Variants in MND1 observed in about 807,000 individuals in gnomAD.
MND1 encodes the protein meiotic nuclear divisions 1, also known as meiotic nuclear division protein 1 homolog.
Under a neutral mutation model 35.1 loss-of-function variants are expected in MND1, and 28 were observed. That is an observed-to-expected ratio of 0.80 (90% CI 0.59 to 1.09). The LOEUF is 1.09. Ranked by LOEUF, MND1 falls within the 50% of genes least tolerant of loss-of-function variation. MND1 has a pLI of 0.00. For missense variants in MND1, 213 were observed against 239.6 expected, an observed-to-expected ratio of 0.89 and a Z score of 0.73; for synonymous variants, 69 against 70.5, an observed-to-expected ratio of 0.98 and a Z score of 0.11.
intron 4 of MND1, among the ~76,000 whole-genome samples, chr4:153,370,071 T>C (rs113931875): frequency 0.029 from 4,438 of 151,944 alleles, 231 homozygotes; most frequent in African/African-American, 0.099. Flanking sequence ...CACTTGAGGA[T>C]AGGAGTTCAA....
chr4:153,400,553 G>C (rs1729321312), intron 6 of MND1, among the ~76,000 whole-genome samples: 1 of 151,962 alleles, frequency 6.6e-6, no homozygotes. Flanking sequence ...TGGTCATGCT[G>C]GCATGCGCTT....
At chr4:153,344,686 GC>G, upstream of MND1, 1 of 1,535,804 alleles carries the variant, frequency 6.5e-7, no homozygotes, top group Admixed American at 1.8e-5. Context: ...GGCCTGTCCC[GC>G]CCCTCTCCCC....
chr4:153,374,623 T>TG (rs1036389333), intron 4 of MND1, among the ~76,000 whole-genome samples: 1 of 152,048 alleles, frequency 6.6e-6, no homozygotes, highest in African/African-American at 2.4e-5. Flanking sequence ...AGATGGGGGT[T>TG]GGGGGAGACT....
chr4:153,367,011 C>G (rs28714284), intron 4 of MND1, among the ~76,000 whole-genome samples: 32,595 of 151,960 alleles, frequency 0.21, 3,602 homozygotes, highest in African/African-American at 0.27. Context: ...CCATTCTCCC[C>G]TTCTTACTCT....
intron 4 of MND1, among the ~76,000 whole-genome samples, chr4:153,389,140 A>G (rs1728950603): frequency 6.6e-6 from 1 of 152,218 alleles, no homozygotes; most frequent in Non-Finnish European, 1.5e-5. Context: ...GAGGAAAGCC[A>G]CCAAATGGGA....
Position 153,381,686 on chromosome 4 carries a change from ATATATATTTTTTTTTTTT to A in MND1, c.277-12574_277-12557del, listed in dbSNP as rs1321891753. The A allele has an allele frequency of 5.3e-3, 120 of 22,502 alleles. 3 individuals are homozygous for A. In the South Asian group the frequency reaches 0.14, roughly 27 times the overall value. The allele number at this position is 22,502 out of a possible 1,614,324, so 1.4% of individuals were successfully genotyped here. ...TAATATAATATATATATATATATAT[ATATATATTTTTTTTTTTT>A]TTTTTTTTTTTTTTTTTTTAAGAGA... On this transcript the variant is annotated intron_variant, in intron 4 of 7. Transcript: ENST00000240488.
intron 4 of MND1, among the ~76,000 whole-genome samples, chr4:153,365,907 A>G (rs1043364842): frequency 1.3e-5 from 2 of 152,218 alleles, no homozygotes; most frequent in Non-Finnish European, 2.9e-5. Context: ...GAATTGTATT[A>G]GTTTTTTATG....
At position 153,391,894 on chromosome 4, in the gene MND1, A is replaced by C. The variant is rs568793818; in HGVS notation, c.277-2368A>C. Reference sequence around the variant, plus strand: ...TTCATGCTATGGATTAGAATCAGTGACTGGAAAACTGTTAAAGGAAAGCTT... The same window carrying C: ...TTCATGCTATGGATTAGAATCAGTGCCTGGAAAACTGTTAAAGGAAAGCTT... On this transcript the variant is annotated intron_variant, in intron 4 of 7. Transcript: ENST00000240488. Among the ~76,000 whole-genome samples the C allele has an allele frequency of 2.0e-5, 3 of 152,106 alleles. No individual in the cohort carries two copies. In the East Asian group the frequency reaches 5.8e-4, roughly 29 times the overall value.
At chr4:153,348,593 A>G (rs184986058) in intron 1 of MND1, among the ~76,000 whole-genome samples, 2 of 152,302 alleles carry the variant, frequency 1.3e-5, no homozygotes, top group African/African-American at 2.4e-5. Flanking sequence ...TTATTTACCC[A>G]TATTACTCAT....
At chr4:153,411,357 G>A (rs1334603050) in intron 7 of MND1, among the ~76,000 whole-genome samples, 1 of 151,986 alleles carries the variant, frequency 6.6e-6, no homozygotes, top group African/African-American at 2.4e-5. Context: ...CCGTCTTAAG[G>A]TTGTTTCTTT....
intron 5 of MND1, among the ~76,000 whole-genome samples, chr4:153,394,762 T>G (rs1433340927): frequency 2.0e-5 from 3 of 152,194 alleles, no homozygotes; most frequent in Admixed American, 2.0e-4. Flanking sequence ...AAAAAAAATT[T>G]TTGCATAGAA....
intron 6 of MND1, among the ~76,000 whole-genome samples, chr4:153,399,550 G>A (rs949133870): frequency 1.3e-5 from 2 of 152,146 alleles, no homozygotes; most frequent in African/African-American, 4.8e-5. Context: ...TTTTAGGCAT[G>A]TAATTTAAGA....
intron 3 of MND1, among the ~76,000 whole-genome samples, chr4:153,358,143 A>T (rs1427083924): frequency 6.6e-6 from 1 of 152,202 alleles, no homozygotes; most frequent in Non-Finnish European, 1.5e-5. Flanking sequence ...TAGATTTTTT[A>T]AATTAGGCAT....
intron 2 of MND1, among the ~76,000 whole-genome samples, chr4:153,355,398 A>G (rs1031517906): frequency 1.8e-4 from 28 of 152,166 alleles, no homozygotes; most frequent in African/African-American, 5.3e-4. Context: ...AGTTAATAAT[A>G]TATTGTATAT....
At chr4:153,391,968 A>T (rs1340927255) in intron 4 of MND1, among the ~76,000 whole-genome samples, 1 of 152,188 alleles carries the variant, frequency 6.6e-6, no homozygotes, top group Non-Finnish European at 1.5e-5. Flanking sequence ...TCCCAAAGCA[A>T]GGGTAAACCT....
At chr4:153,396,932 G>C (rs1359752799) in intron 5 of MND1, among the ~76,000 whole-genome samples, 2 of 152,018 alleles carry the variant, frequency 1.3e-5, no homozygotes, top group African/African-American at 4.8e-5. Flanking sequence ...GGTCATCTTA[G>C]AGTTCTAACA....
chr4:153,390,937 GTGTGTA>G (rs1169408855), intron 4 of MND1, among the ~76,000 whole-genome samples: 2 of 145,610 alleles, frequency 1.4e-5, no homozygotes, highest in South Asian at 4.3e-4. Flanking sequence ...GTGTGTGTGT[GTGTGTA>G]TATAAAATGT....
intron 1 of MND1, chr4:153,345,655 T>C (rs1773059870): frequency 1.2e-5 from 8 of 651,926 alleles, no homozygotes; most frequent in Non-Finnish European, 1.5e-5. Flanking sequence ...TTCATTTACT[T>C]ACGTGGCCGT....
intron 4 of MND1, among the ~76,000 whole-genome samples, chr4:153,363,432 G>C (rs922081515): frequency 1.3e-5 from 2 of 152,046 alleles, no homozygotes; most frequent in Non-Finnish European, 2.9e-5. Context: ...GGCTGGTCTC[G>C]AACTCCCGAC....
Sources: gnomAD v4.1 joint callset for allele counts (sites outside exome capture counted in the v4.1 genomes callset) on GRCh38, gnomAD v4.1.1 for gene constraint, MANE v1.5 for transcripts, NCBI Gene and HGNC (gene_info 2026-07-23, HGNC 2026-07-21) for gene names.